CCNT1: variants seen among roughly 807,000 people sequenced by gnomAD.
CCNT1 encodes the protein cyclin T1.
Under a neutral mutation model 67.3 loss-of-function variants are expected in CCNT1, and 18 were observed. That is an observed-to-expected ratio of 0.27 (90% CI 0.18 to 0.40). The LOEUF (loss-of-function observed/expected upper bound fraction) is 0.40. CCNT1 is among the 10% of genes least tolerant of loss of function. CCNT1 has a pLI of 1.00. For missense variants in CCNT1, 744 were observed against 884.9 expected, an observed-to-expected ratio of 0.84 and a Z score of 2.02; for synonymous variants, 333 against 310.3, an observed-to-expected ratio of 1.07 and a Z score of -0.77.
At position 48,694,129 on chromosome 12, in the gene CCNT1, T is replaced by A. The variant is rs17123261; in HGVS notation, c.1085A>T (p.His362Leu). 6.2e-7 allele frequency: 1 copy of A among 1,614,236 alleles called. No individual in the cohort carries two copies. The highest frequency in any genetic ancestry group is 1.1e-5 in the South Asian group (1 of 91,084). ...ATTTGAACCATCCTGTGGTAAGGAA[T>A]GATCAACTCCTGTAAGTGCTAAATT... The part of the protein sequence containing the change: ...SENLALTGVD[H>L]SLPQDGSNAF... The change falls in exon 9 of 9, where the codon CAT becomes CTT. Residue 362 changes from histidine to leucine, a missense_variant. By Grantham distance (99) the His-to-Leu change is moderately conservative. Coordinates refer to ENST00000261900, the MANE Select transcript of CCNT1 (RefSeq NM_001240.4).
Position 48,690,336 on chromosome 12 carries a change from C to T in CCNT1, c.*2697G>A, listed in dbSNP as rs1320270732. ...CAAAAAGCCATATTTATCAGACTAACTTTGGATGTATAAATCTCATTTCTC... is the reference window on the plus strand; with the variant it reads ...CAAAAAGCCATATTTATCAGACTAATTTTGGATGTATAAATCTCATTTCTC... On this transcript the variant is annotated 3_prime_UTR_variant, in exon 9 of 9. Coordinates refer to ENST00000261900, the MANE Select transcript of CCNT1 (RefSeq NM_001240.4). 1 of 152,192 alleles carries T rather than the reference C, an allele frequency of 6.6e-6. No individual in the cohort carries two copies. The highest frequency in any genetic ancestry group is 2.4e-5 in the African/African-American group (1 of 41,440). The allele number at this position is 152,192 out of a possible 1,614,324, so 9.4% of individuals were successfully genotyped here.
chr12:48,696,159 C>G lies in CCNT1; in HGVS notation c.546G>C (p.Leu182=), dbSNP rs1440377771. The G allele has an allele frequency of 1.9e-6, 3 of 1,590,416 alleles. No individual in the cohort carries two copies. Among genetic ancestry groups the G allele is most frequent in the Non-Finnish European group, 2.6e-6 (3 of 1,169,758 alleles). ...QTSYFMATNS[L]HLTTFSLQYT... is the part of the protein sequence containing the mutation. ...ACTGCAGGCTAAATGTGGTCAAATG[C>G]AGGCTGACATCAGAGGGAAGAAAAC... The change falls in exon 7 of 9, where the codon CTG becomes CTC. Residue 182 remains leucine (L), a synonymous_variant. Transcript: ENST00000261900.
chr12:48,695,443 T>C (rs1261547518), intron 8 of CCNT1, among the ~76,000 whole-genome samples: 3 of 152,216 alleles, frequency 2.0e-5, no homozygotes, highest in African/African-American at 2.4e-5. Flanking sequence ...CTATCTTGCC[T>C]CTACCAGAAG....
In CCNT1 at chr12:48,693,062, G is replaced by A. The variant is rs1240712357; in HGVS notation, c.2152C>T (p.Pro718Ser). ...TTAGGAAGGGGTGGAAGTGGTGGAG[G>A]AGGTTCTGATGGCAGAGGTGGTGGC... ...PRPPPLPSEPPPPLPPLPK is the reference protein window; with the variant it reads ...PRPPPLPSEPSPPLPPLPK Residue 718 changes from proline (P) to serine (S), a missense_variant, in exon 9 of 9, where the codon CCT becomes TCT. This residue lies in a region of CCNT1 where 564 missense variants were observed against 574.2 expected (regional missense o/e 0.98). Transcript: ENST00000261900. 1.2e-6 allele frequency: 2 copies of A among 1,610,500 alleles called. No homozygotes were observed. Among genetic ancestry groups the A allele is most frequent in the Admixed American group, 1.7e-5 (1 of 59,934 alleles).
At chr12:48,699,003 A>G (rs1940224891) in intron 5 of CCNT1, among the ~76,000 whole-genome samples, 1 of 152,116 alleles carries the variant, frequency 6.6e-6, no homozygotes, top group Admixed American at 6.5e-5. Context: ...TTAAGATTTA[A>G]TTAATTAATC....
At chr12:48,696,924 C>G (rs1313060188) in intron 6 of CCNT1, among the ~76,000 whole-genome samples, 2 of 152,156 alleles carry the variant, frequency 1.3e-5, no homozygotes, top group Admixed American at 1.3e-4. Flanking sequence ...CCTCTGCCTC[C>G]TGGGTTCAAG....
chr12:48,707,161 C>T (rs1316359345), intron 2 of CCNT1, among the ~76,000 whole-genome samples: 7 of 152,010 alleles, frequency 4.6e-5, no homozygotes, highest in Admixed American at 4.6e-4. Flanking sequence ...ATAAACAAAA[C>T]AGGATCAGAG....
At chr12:48,710,081 G>A (rs1344373758) in intron 2 of CCNT1, among the ~76,000 whole-genome samples, 3 of 151,840 alleles carry the variant, frequency 2.0e-5, no homozygotes, top group Non-Finnish European at 4.4e-5. Flanking sequence ...TAATAGAGAC[G>A]GGGTTTCACC....
intron 4 of CCNT1, among the ~76,000 whole-genome samples, 191 bp from the exon 5 acceptor site, chr12:48,700,031 A>T (rs1256683806): frequency 4.5e-4 from 69 of 152,150 alleles, no homozygotes; most frequent in South Asian, 2.1e-4. Flanking sequence ...GAAAAAAGTT[A>T]ACTAGAGGCT....
intron 7 of CCNT1, 85 bp from the exon 8 acceptor site, chr12:48,695,914 T>A: frequency 2.6e-6 from 4 of 1,540,266 alleles, no homozygotes; most frequent in Non-Finnish European, 2.7e-6. Context: ...AACTAACTAT[T>A]TTCATCTGAA....
chr12:48,696,153 C>A lies in CCNT1; in HGVS notation c.552G>T (p.Leu184Phe). The change falls in exon 7 of 9, where the codon TTG becomes TTT. Residue 184 changes from leucine (L) to phenylalanine (F), a missense_variant. Physicochemically the swap from Leu to Phe is conservative, Grantham distance 22. This residue lies in a region of CCNT1 where 142 missense variants were observed against 277.0 expected (regional missense o/e 0.51). Transcript: ENST00000261900. ...SYFMATNSLH[L>F]TTFSLQYTPP... is the part of the protein sequence containing the mutation. ...GTGTGTACTGCAGGCTAAATGTGGT[C>A]AAATGCAGGCTGACATCAGAGGGAA... is the stretch of plus-strand genomic sequence containing the variant. The A allele has an allele frequency of 2.7e-6, 4 of 1,507,466 alleles. No individual in the cohort carries two copies. In the South Asian group the frequency reaches 4.5e-5, roughly 17 times the overall value. 93.4% of individuals were successfully genotyped at this position (1,507,466 alleles called of 1,614,324 possible). A position where few individuals can be genotyped will look rare whatever the true frequency, so the allele number is the denominator to read the frequency against.
chr12:48,702,696 T>C (rs981646853), intron 3 of CCNT1, among the ~76,000 whole-genome samples: 2 of 152,162 alleles, frequency 1.3e-5, no homozygotes, highest in African/African-American at 4.8e-5. Context: ...ATGCAGGTAG[T>C]AATCCCAGCT....
chr12:48,705,305 T>TTGTTG, intron 3 of CCNT1, among the ~76,000 whole-genome samples: 1 of 131,798 alleles, frequency 7.6e-6, no homozygotes, highest in South Asian at 2.6e-4. Flanking sequence ...TGTTGTTGTT[T>TTGTTG]TTCTTTTTTT....
At chr12:48,699,900 T>C (rs1940236665) in intron 4 of CCNT1, 60 bp from the exon 5 acceptor site, 1 of 1,045,244 alleles carries the variant, frequency 9.6e-7, no homozygotes, top group African/African-American at 1.6e-5. Context: ...TACAAATTAT[T>C]GTAAAAGGAT....
In CCNT1 at chr12:48,705,847, G is replaced by A; in HGVS notation, c.293C>T (p.Pro98Leu). 1 of 1,613,618 alleles carries A rather than the reference G, an allele frequency of 6.2e-7. No homozygotes were observed. Among genetic ancestry groups the A allele is most frequent in the Non-Finnish European group, 8.5e-7 (1 of 1,179,784 alleles). ...CTTGATGACATGTTCCAATTTTTTG[G>A]GCTGCTCCTCCACTTTAGCTGCTAG... ...LFLAAKVEEQ[P>L]KKLEHVIKVA... The change falls in exon 3 of 9, where the codon CCC (proline) becomes CTC (leucine). Residue 98 changes from proline to leucine, a missense_variant. Coordinates refer to ENST00000261900, the MANE Select transcript of CCNT1 (RefSeq NM_001240.4).
Position 48,691,978 on chromosome 12 carries a change from G to GA in CCNT1, c.*1054dup, listed in dbSNP as rs1940082014. On this transcript the variant is annotated 3_prime_UTR_variant, in exon 9 of 9. Coordinates refer to ENST00000261900, the MANE Select transcript of CCNT1 (RefSeq NM_001240.4). ...CATAGCACATTCCCCATCTCTTAGA[G>GA]ACCTTAAGACTGCTCTCATTTGAAC... The GA allele has an allele frequency of 2.0e-5, 3 of 151,910 alleles. No homozygotes were observed. The highest frequency in any genetic ancestry group is 2.0e-4 in the Admixed American group (3 of 15,236). The allele number at this position is 151,910 out of a possible 1,614,324, so 9.4% of individuals were successfully genotyped here.
intron 3 of CCNT1, among the ~76,000 whole-genome samples, chr12:48,702,428 A>T (rs1940285661): frequency 1.3e-5 from 2 of 152,266 alleles, no homozygotes; most frequent in Admixed American, 1.3e-4. Context: ...TCATCACTTG[A>T]AATGTAGCTA....
chr12:48,704,172 C>T (rs895660608), intron 3 of CCNT1, among the ~76,000 whole-genome samples: 1 of 152,014 alleles, frequency 6.6e-6, no homozygotes, highest in African/African-American at 2.4e-5. Context: ...GAAAAGAAGC[C>T]ACAAATAACA....
chr12:48,691,117 C>T lies in CCNT1; in HGVS notation c.*1916G>A, dbSNP rs1940065128. On this transcript the variant is annotated 3_prime_UTR_variant, in exon 9 of 9. Transcript: ENST00000261900. ...TAATGATTTACAGGTCAACAGAGAGCTCCTCGTTTTATACCCAGCAATGGC... is the reference window on the plus strand; with the variant it reads ...TAATGATTTACAGGTCAACAGAGAGTTCCTCGTTTTATACCCAGCAATGGC... 6.6e-6 allele frequency: 1 copy of T among 152,180 alleles called. No homozygotes were observed. Among genetic ancestry groups the T allele is most frequent in the Non-Finnish European group, 1.5e-5 (1 of 68,034 alleles). The allele number at this position is 152,180 out of a possible 1,614,324, so 9.4% of individuals were successfully genotyped here. A position where few individuals can be genotyped will look rare whatever the true frequency, so the allele number is the denominator to read the frequency against.
Sources: allele counts gnomAD v4.1 joint callset (sites outside exome capture counted in the v4.1 genomes callset), GRCh38; gene constraint gnomAD v4.1.1; regional missense constraint gnomAD v4.1.1; transcripts MANE v1.5; gene names NCBI Gene and HGNC (gene_info 2026-07-23, HGNC 2026-07-21).